ADD2: variants seen among roughly 807,000 people sequenced by gnomAD.
ADD2 encodes adducin 2, also known as beta-adducin.
In ADD2, 23 loss-of-function variants were observed where a neutral mutation model predicts 83.0. That is an observed-to-expected ratio of 0.28 (90% CI 0.20 to 0.39). The LOEUF (loss-of-function observed/expected upper bound fraction) is 0.39, where lower values mean the gene tolerates loss of function less well. ADD2 is among the 10% of genes least tolerant of loss of function. ADD2 has a pLI of 1.00. For synonymous variants in ADD2, 375 were observed against 375.4 expected, an observed-to-expected ratio of 1.00 and a Z score of 0.01; for missense variants, 758 against 944.9, an observed-to-expected ratio of 0.80 and a Z score of 2.59.
intron 4 of ADD2, 58 bp downstream of exon 4, chr2:70,704,263 T>TGGGCCCCCCCCCCCCC: frequency 1.1e-5 from 10 of 913,222 alleles, no homozygotes; most frequent in South Asian, 1.5e-5. Flanking sequence ...CTCCCTCTCT[T>TGGGCCCCCCCCCCCCC]CCCCACCCCA....
intron 1 of ADD2, chr2:70,760,774 T>C (rs2104558805): frequency 6.6e-6 from 1 of 152,326 alleles, no homozygotes; most frequent in East Asian, 1.9e-4. Context: ...TGTCCTTTCC[T>C]ATATCTGTGT....
intron 6 of ADD2, 30 bp downstream of exon 6, chr2:70,695,691 G>A (rs1185629965): frequency 1.3e-6 from 2 of 1,595,332 alleles, no homozygotes; most frequent in Admixed American, 1.7e-5. Flanking sequence ...TTTCAATAAG[G>A]AGTGGGCAGT....
intron 2 of ADD2, among the ~76,000 whole-genome samples, chr2:70,708,195 A>G (rs782782799): frequency 6.6e-6 from 1 of 152,124 alleles, no homozygotes; most frequent in Non-Finnish European, 1.5e-5. Flanking sequence ...GAATACACAG[A>G]TGGTTTCCTG....
At chr2:70,745,026 ATTGTAAT>A (rs1674107686) in intron 1 of ADD2, among the ~76,000 whole-genome samples, 1 of 151,856 alleles carries the variant, frequency 6.6e-6, no homozygotes, top group African/African-American at 2.4e-5. Flanking sequence ...GTGGCTCACG[ATTGTAAT>A]CCCAGCACTT....
intron 15 of ADD2, among the ~76,000 whole-genome samples, chr2:70,667,559 G>A (rs1430648820): frequency 6.6e-6 from 1 of 152,172 alleles, no homozygotes; most frequent in East Asian, 1.9e-4. Flanking sequence ...CTGGGTAAGG[G>A]ATGCCCAGAT....
intron 1 of ADD2, among the ~76,000 whole-genome samples, chr2:70,757,562 A>C (rs1674861063): frequency 6.6e-6 from 1 of 152,318 alleles, no homozygotes; most frequent in African/African-American, 2.4e-5. Flanking sequence ...TGTTGGAAAG[A>C]TTTAAGAGAA....
At chr2:70,748,148 T>C (rs540740816) in intron 1 of ADD2, among the ~76,000 whole-genome samples, 2 of 152,296 alleles carry the variant, frequency 1.3e-5, no homozygotes, top group Non-Finnish European at 2.9e-5. Context: ...GTTTTTCTCC[T>C]GGGACACCAT....
intron 15 of ADD2, among the ~76,000 whole-genome samples, chr2:70,664,064 C>A (rs1181476529): frequency 3.3e-5 from 5 of 152,178 alleles, no homozygotes; most frequent in African/African-American, 9.7e-5. Context: ...AAAGAAGAAA[C>A]AGACACAGAG....
intron 1 of ADD2, among the ~76,000 whole-genome samples, chr2:70,761,894 C>T (rs1675125629): frequency 6.6e-6 from 1 of 151,484 alleles, no homozygotes; most frequent in African/African-American, 2.4e-5. Context: ...GATGGCCGAT[C>T]TCCTGACCTC....
rs1350039003 is a variant in ADD2, at chr2:70,663,376, G to A, written c.*49C>T. The A allele has an allele frequency of 6.5e-7, 1 of 1,546,026 alleles. No individual in the cohort carries two copies. Among genetic ancestry groups the A allele is most frequent in the Admixed American group, 1.8e-5 (1 of 57,112 alleles). Reference sequence around the variant, plus strand: ...TTGCAGGGACAGAGATGGGAGAAGGGAAGGGGAGGAGAGAGAGGAGGCAGG... The same window carrying A: ...TTGCAGGGACAGAGATGGGAGAAGGAAAGGGGAGGAGAGAGAGGAGGCAGG... On this transcript the variant is annotated 3_prime_UTR_variant, in exon 16 of 16. Transcript: ENST00000264436.
chr2:70,727,251 C>G (rs1168321578), intron 1 of ADD2, among the ~76,000 whole-genome samples: 2 of 152,186 alleles, frequency 1.3e-5, no homozygotes, highest in African/African-American at 4.8e-5. Flanking sequence ...TCATCTCCCA[C>G]TCTTACATGA....
At position 70,661,408 on chromosome 2, in the gene ADD2, T is replaced by C. The variant is rs567473348; in HGVS notation, c.*2017A>G. 2.0e-5 allele frequency: 3 copies of C among 152,316 alleles called. No individual in the cohort carries two copies. The highest frequency in any genetic ancestry group is 1.3e-4 in the Admixed American group (2 of 15,306). 9.4% of individuals were successfully genotyped at this position (152,316 alleles called of 1,614,324 possible). A position where few individuals can be genotyped will look rare whatever the true frequency, so the allele number is the denominator to read the frequency against. ...TTGGCTTTTAAAGGCATTTCCCATA[T>C]GACAGATTTTTCTGAGGCATGAGTG... On this transcript the variant is annotated 3_prime_UTR_variant, in exon 16 of 16. Transcript: ENST00000264436.
At chr2:70,743,690 G>A (rs1674037290) in intron 1 of ADD2, among the ~76,000 whole-genome samples, 1 of 152,184 alleles carries the variant, frequency 6.6e-6, no homozygotes, top group Non-Finnish European at 1.5e-5. Flanking sequence ...TGGCTATACT[G>A]TATTTAAAGT....
At chr2:70,714,004 T>G in intron 1 of ADD2, among the ~76,000 whole-genome samples, 1 of 151,014 alleles carries the variant, frequency 6.6e-6, no homozygotes. Context: ...TCACCCAGAG[T>G]TCAAGGGGAA....
In ADD2 at chr2:70,678,700, T is replaced by C; in HGVS notation, c.1383+4A>G. On this transcript the variant is annotated splice_donor_region_variant and intron_variant, in intron 11 of 15. Transcript: ENST00000264436. ...GCCCGGGTCTGTCCTGGGCTCCCCC[T>C]TACCGTGGTCTTGGGTCGGGGGCTG... 1 of 1,554,012 alleles carries C rather than the reference T, an allele frequency of 6.4e-7. No homozygotes were observed.
At chr2:70,758,871 C>T (rs893642135) in intron 1 of ADD2, among the ~76,000 whole-genome samples, 2 of 152,060 alleles carry the variant, frequency 1.3e-5, no homozygotes, top group Admixed American at 6.6e-5. Flanking sequence ...TGGGGGGACT[C>T]TAAAGTAATC....
intron 1 of ADD2, among the ~76,000 whole-genome samples, chr2:70,750,720 T>C (rs1553382814): frequency 6.6e-6 from 1 of 152,178 alleles, no homozygotes; most frequent in African/African-American, 2.4e-5. Flanking sequence ...TGAGAGAGAA[T>C]ACATTTCAGT....
intron 1 of ADD2, among the ~76,000 whole-genome samples, chr2:70,756,547 C>T (rs1674802089): frequency 6.6e-6 from 1 of 152,098 alleles, no homozygotes; most frequent in Non-Finnish European, 1.5e-5. Context: ...TTTTAATTAC[C>T]TTATAGACAA....
At chr2:70,674,153 C>G (rs559907547) in intron 14 of ADD2, among the ~76,000 whole-genome samples, 15 of 152,240 alleles carry the variant, frequency 9.9e-5, no homozygotes, top group Non-Finnish European at 2.2e-4. Flanking sequence ...ACTGATCAGG[C>G]TAGCCAAGAA....
Sources: allele counts gnomAD v4.1 joint callset (sites outside exome capture counted in the v4.1 genomes callset), GRCh38; gene constraint gnomAD v4.1.1; transcripts MANE v1.5; gene names NCBI Gene and HGNC (gene_info 2026-07-23, HGNC 2026-07-21).